Variants in TRMT1 observed in about 807,000 individuals in gnomAD.
TRMT1 encodes the protein tRNA (guanine(26)-N(2))-dimethyltransferase.
TRMT1 carries 63 observed loss-of-function variants against 75.4 expected under a neutral mutation model. The ratio of observed to expected loss-of-function variants is 0.84; its 90% confidence interval spans 0.68 to 1.03. The LOEUF is 1.03. Among genes scored for constraint, TRMT1 ranks in the 50% least tolerant of loss-of-function variants. TRMT1 has a pLI of 0.00. For synonymous variants in TRMT1, 382 were observed against 358.1 expected (o/e 1.07, Z -0.75); for missense variants, 870 against 905.3 (o/e 0.96, Z 0.50).
Position 13,114,063 on chromosome 19 carries a change from G to T in TRMT1, c.642-1052C>A, listed in dbSNP as rs955932025. Among the ~76,000 whole-genome samples the T allele has an allele frequency of 1.3e-4, 20 of 152,146 alleles. 1 individual carries two copies. Among genetic ancestry groups the T allele is most frequent in the Admixed American group, 1.1e-3 (17 of 15,254 alleles). On this transcript the variant is annotated intron_variant, in intron 5 of 16. Transcript: ENST00000357720. ...CAGCTAATTACTTTTCATTGTCTGT[G>T]ATTACTATTTGGATTCTAGTAAGGT...
At position 13,109,545 on chromosome 19, in the gene TRMT1, C is replaced by G. The variant is rs1159044847; in HGVS notation, c.1311+5G>C. 2 of 1,613,890 alleles carry G rather than the reference C, an allele frequency of 1.2e-6. No individual in the cohort carries two copies. The highest frequency in any genetic ancestry group is 3.3e-5 in the Admixed American group (2 of 59,996). ...CCCCCTTCCCCGTCACAGCCCGGCT[C>G]TCACCTCAGTGATGACGCTCAGGAC... On this transcript the variant is annotated splice_donor_5th_base_variant and intron_variant, in intron 11 of 16. Transcript: ENST00000357720.
rs2019114645 is a variant in TRMT1 at position 13,110,922 on chromosome 19, C to T, written c.871-616G>A. Among the ~76,000 whole-genome samples, 3 of 152,244 alleles carry T rather than the reference C, an allele frequency of 2.0e-5. No individual in the cohort carries two copies. In the South Asian group the frequency reaches 6.2e-4, roughly 32 times the overall value. The stretch of plus-strand genomic sequence containing the variant: ...CTGAGATCTCACCACTGCACTCCAG[C>T]CTGGGCAACAAGAGTGAAACTCCAT... On this transcript the variant is annotated intron_variant, in intron 7 of 16. Transcript: ENST00000357720.
Position 13,105,333 on chromosome 19 carries a change from C to T in TRMT1, c.1767G>A (p.Glu589=), listed in dbSNP as rs141072463. The T allele has an allele frequency of 1.8e-3, 2,971 of 1,614,020 alleles. 3 individuals carry two copies. The highest frequency in any genetic ancestry group is 2.3e-3 in the Non-Finnish European group (2,769 of 1,180,040). The change falls in exon 16 of 17, where the codon GAG becomes GAA. Residue 589 remains glutamate, a synonymous_variant. Transcript: ENST00000357720. Reference sequence around the variant, plus strand: ...CCCGCTGGGCCACATCTTCCGGCGGCTCCTTCCGCTTGTTCTGAAGCAGCC... The same window carrying T: ...CCCGCTGGGCCACATCTTCCGGCGGTTCCTTCCGCTTGTTCTGAAGCAGCC... ...RRRLLQNKRK[E]PPEDVAQRAA... is the part of the protein sequence containing the mutation.
intron 12 of TRMT1, among the ~76,000 whole-genome samples, chr19:13,108,519 C>T (rs1238338121): frequency 2.1e-5 from 3 of 144,168 alleles, no homozygotes; most frequent in African/African-American, 7.8e-5. Context: ...TCTCGAACTC[C>T]TGGCCTCAAG....
In TRMT1 at chr19:13,115,313, C is replaced by T. The variant is rs953545097; in HGVS notation, c.607G>A (p.Ala203Thr). The T allele has an allele frequency of 1.2e-6, 2 of 1,613,538 alleles. No individual in the cohort carries two copies. Among genetic ancestry groups the T allele is most frequent in the African/African-American group, 2.7e-5 (2 of 74,894 alleles). The change falls in exon 5 of 17, where the codon GCC becomes ACC. Residue 203 changes from alanine (A) to threonine (T), a missense_variant. Transcript: ENST00000357720. Reference protein sequence around the residue: ...IRRNVQLNDVAHLVQPSQADA... With the variant: ...IRRNVQLNDVTHLVQPSQADA... ...GCTTGGCTCGGCTGTACCAGGTGGGCCACGTCATTGAGCTGGACATTCCGG... is the reference window on the plus strand; with the variant it reads ...GCTTGGCTCGGCTGTACCAGGTGGGTCACGTCATTGAGCTGGACATTCCGG...
At position 13,116,633 on chromosome 19, in the gene TRMT1, G is replaced by A. The variant is rs1312875282; in HGVS notation, c.-33+20C>T. ...GCCCCGAGTCCGAATCCCTCCCCGC[G>A]CTGCCTAGCCCGTCCTCACCTGCTC... On this transcript the variant is annotated intron_variant, in intron 1 of 16. Transcript: ENST00000357720. The A allele has an allele frequency of 1.5e-5, 9 of 601,206 alleles. No homozygotes were observed. Among genetic ancestry groups the A allele is most frequent in the Non-Finnish European group, 2.6e-5 (9 of 348,208 alleles). 37.2% of individuals were successfully genotyped at this position (601,206 alleles called of 1,614,324 possible).
intron 14 of TRMT1, 21 bp from the exon 15 acceptor site, chr19:13,105,627 C>A (rs1425757670): frequency 1.4e-6 from 2 of 1,433,764 alleles, no homozygotes; most frequent in Non-Finnish European, 2.0e-6. Flanking sequence ...AGGGGTGGGG[C>A]GTTGGGGCTG....
intron 9 of TRMT1, 32 bp downstream of exon 9, chr19:13,109,883 G>A: frequency 6.2e-7 from 1 of 1,614,018 alleles, no homozygotes; most frequent in East Asian, 2.2e-5. Flanking sequence ...AAAACCCTGG[G>A]ACTCCCCTTC....
At chr19:13,113,745 GATT>G (rs1272689850) in intron 5 of TRMT1, among the ~76,000 whole-genome samples, 1 of 151,746 alleles carries the variant, frequency 6.6e-6, no homozygotes, top group African/African-American at 2.4e-5. Flanking sequence ...AAGTAGCTGG[GATT>G]ACAGGCACGT....
In TRMT1 at chr19:13,115,645, G is replaced by A; in HGVS notation, c.434C>T (p.Ala145Val). The A allele has an allele frequency of 6.2e-7, 1 of 1,613,886 alleles. No individual in the cohort carries two copies. Among genetic ancestry groups the A allele is most frequent in the Non-Finnish European group, 8.5e-7 (1 of 1,180,004 alleles). Residue 145 changes from alanine (A) to valine (V), a missense_variant, in exon 4 of 17, where the codon GCC (alanine) becomes GTC (valine). Transcript: ENST00000357720. ...LASGDQPRTA[A>V]VGEICEEGLH... ...CCCCACCTCACAGATCTCCCCCACG[G>A]CCGCTGTGCGAGGTTGGTCTCCTGA...
Position 13,109,916 on chromosome 19 carries a change from G to A in TRMT1, c.1105C>T (p.Arg369Trp), listed in dbSNP as rs781092965. 14 of 1,614,000 alleles carry A rather than the reference G, an allele frequency of 8.7e-6. No individual in the cohort carries two copies. The highest frequency in any genetic ancestry group is 1.6e-4 in the Middle Eastern group (1 of 6,062). Residue 369 changes from arginine to tryptophan, a missense_variant and splice_region_variant, in exon 9 of 17, where the codon CGG becomes TGG. Arg to Trp is a moderately radical substitution (Grantham distance 101). Transcript: ENST00000357720. ...LGKASGVPSG[R>W]AKFSAACGPP... ...TTCTTCTCCTTCCTCCCTGCTCACC[G>A]GCCGCTGGGGACTCCTGACGCTTTG...
rs1246699484 is a variant in TRMT1, at chr19:13,109,808, A to C, written c.1137T>G (p.Pro379=). 6.2e-7 allele frequency: 1 copy of C among 1,614,124 alleles called. No individual in the cohort carries two copies. Among genetic ancestry groups the C allele is most frequent in the Admixed American group, 1.7e-5 (1 of 60,022 alleles). ...CACAGTGTTCACACTCGGGGGTCAC[A>C]GGGGGACCACAGGCTGCAGAGAACT... ...RAKFSAACGP[P]VTPECEHCGQ... is the part of the protein sequence containing the mutation. The change falls in exon 10 of 17, where the codon CCT becomes CCG. Residue 379 remains proline (P), a synonymous_variant. Coordinates refer to ENST00000357720, the MANE Select transcript of TRMT1 (RefSeq NM_001136035.4).
At chr19:13,108,093 C>T (rs554969213) in intron 12 of TRMT1, among the ~76,000 whole-genome samples, 4 of 146,022 alleles carry the variant, frequency 2.7e-5, no homozygotes, top group South Asian at 4.3e-4. Flanking sequence ...TGGGTTTAAG[C>T]GATTCTCCTG....
chr19:13,113,040 C>T lies in TRMT1; in HGVS notation c.642-29G>A, dbSNP rs746985562. ...GGTGCAAAGAGGGCCAGGTCCTCAG[C>T]CTCCCACGCCAGGTACCTTCTCTGT... On this transcript the variant is annotated intron_variant, in intron 5 of 16. Coordinates refer to ENST00000357720, the MANE Select transcript of TRMT1 (RefSeq NM_001136035.4). The T allele has an allele frequency of 3.8e-6, 6 of 1,562,000 alleles. No homozygotes were observed. The South Asian group carries it at 4.7e-5, about 12-fold the overall frequency.
rs779691146 is a variant in TRMT1 at position 13,105,013 on chromosome 19, A to G, written c.1902T>C (p.Asp634=). Residue 634 remains aspartate (D), a synonymous_variant, in exon 17 of 17, where the codon GAT becomes GAC. Transcript: ENST00000357720. Reference sequence around the variant, plus strand: ...AGGTCTCTGGACAGTCAGGGGCAGCATCAGCAGAAACCCTGGGTGTCGGGG... The same window carrying G: ...AGGTCTCTGGACAGTCAGGGGCAGCGTCAGCAGAAACCCTGGGTGTCGGGG... ...HSPPTPRVSA[D]AAPDCPETSN... 5 of 1,613,102 alleles carry G rather than the reference A, an allele frequency of 3.1e-6. No homozygotes were observed. The South Asian group carries it at 4.4e-5, about 14-fold the overall frequency.
chr19:13,105,067 G>A lies in TRMT1; in HGVS notation c.1848C>T (p.Arg616=), dbSNP rs369390870. The A allele has an allele frequency of 3.8e-6, 6 of 1,590,960 alleles. No individual in the cohort carries two copies. Among genetic ancestry groups the A allele is most frequent in the African/African-American group, 2.7e-5 (2 of 74,570 alleles). Residue 616 remains arginine (R), a synonymous_variant, in exon 17 of 17, where the codon CGC becomes CGT. Coordinates refer to ENST00000357720, the MANE Select transcript of TRMT1 (RefSeq NM_001136035.4). Reference sequence around the variant, plus strand: ...TGTGGGAGTAGCAGCACTGGTCCCCGCGTTGACAGGTGCCCTGGTGGGAAG... The same window carrying A: ...TGTGGGAGTAGCAGCACTGGTCCCCACGTTGACAGGTGCCCTGGTGGGAAG... ...CKRFKEGTCQ[R]GDQCCYSHSP... is the part of the protein sequence containing the mutation.
At chr19:13,109,086 GT>G (rs1488185946) in intron 12 of TRMT1, among the ~76,000 whole-genome samples, 4 of 117,948 alleles carry the variant, frequency 3.4e-5, no homozygotes, top group African/African-American at 1.9e-4. Context: ...AGGCTAATGG[GT>G]GTGTGTGTGT....
At position 13,115,348 on chromosome 19, in the gene TRMT1, T is replaced by C; in HGVS notation, c.572A>G (p.Asp191Gly). Residue 191 changes from aspartate to glycine, a missense_variant, in exon 5 of 17, where the codon GAT becomes GGT. Coordinates refer to ENST00000357720, the MANE Select transcript of TRMT1 (RefSeq NM_001136035.4). ...VANDASTRAV[D>G]LIRRNVQLND... ...GAGCTGGACATTCCGGCGTATGAGA[T>C]CCACAGCCCGGGTGGAGGCATCGTT... 4 of 1,613,960 alleles carry C rather than the reference T, an allele frequency of 2.5e-6. No individual in the cohort carries two copies. Among genetic ancestry groups the C allele is most frequent in the Non-Finnish European group, 3.4e-6 (4 of 1,180,002 alleles).
chr19:13,109,325 G>A, intron 12 of TRMT1, 56 bp downstream of exon 12: 1 of 1,600,412 alleles, frequency 6.2e-7, no homozygotes, highest in Non-Finnish European at 8.5e-7. Context: ...CCCTGGACTT[G>A]CCCCAGGCCA....
Sources: allele counts gnomAD v4.1 joint callset (sites outside exome capture counted in the v4.1 genomes callset), GRCh38; gene constraint gnomAD v4.1.1; transcripts MANE v1.5; gene names NCBI Gene and HGNC (gene_info 2026-07-23, HGNC 2026-07-21).